Variants in ACO1 observed in about 807,000 individuals in gnomAD.
ACO1 encodes aconitase 1, also known as cytoplasmic aconitate hydratase.
ACO1 carries 78 observed loss-of-function variants against 105.1 expected under a neutral mutation model. That is an observed-to-expected ratio of 0.74 (90% CI 0.62 to 0.90). The LOEUF (loss-of-function observed/expected upper bound fraction) is 0.90, where lower values mean the gene tolerates loss of function less well. ACO1 is among the 40% of genes least tolerant of loss of function. The pLI, the probability that ACO1 is intolerant of heterozygous loss-of-function variation, is 0.00. For synonymous variants in ACO1, 364 were observed against 397.4 expected (o/e 0.92, Z 1.00); for missense variants, 965 against 1,111.1 (o/e 0.87, Z 1.87).
rs1411502876 is a variant in ACO1 at position 32,452,579 on chromosome 9, G to C, written c.*2468G>C. 1 of 152,136 alleles carries C rather than the reference G, an allele frequency of 6.6e-6. No individual in the cohort carries two copies. Among genetic ancestry groups the C allele is most frequent in the Non-Finnish European group, 1.5e-5 (1 of 68,038 alleles). The allele number at this position is 152,136 out of a possible 1,614,324, so 9.4% of individuals were successfully genotyped here. On this transcript the variant is annotated 3_prime_UTR_variant, in exon 21 of 21. Coordinates refer to ENST00000309951, the MANE Select transcript of ACO1 (RefSeq NM_002197.3). ...TATTTAGTTACAGCAGCCCAACCAAGACTGTGGTTATGAGGAAACAAACAC... is the reference window on the plus strand; with the variant it reads ...TATTTAGTTACAGCAGCCCAACCAACACTGTGGTTATGAGGAAACAAACAC...
chr9:32,434,836 A>G (rs1822320393), intron 17 of ACO1, 135 bp downstream of exon 17: 7 of 1,011,418 alleles, frequency 6.9e-6, no homozygotes, highest in Non-Finnish European at 9.9e-6. Context: ...CCCTGGGGTA[A>G]AAACCAATTG....
chr9:32,408,682 C>G (rs371431165), intron 4 of ACO1, 31 bp downstream of exon 4: 2 of 1,604,648 alleles, frequency 1.2e-6, no homozygotes, highest in African/African-American at 2.7e-5. Context: ...CCTGAGTGTT[C>G]TGCTTTGTGC....
chr9:32,427,036 C>A (rs1822114997), intron 11 of ACO1, among the ~76,000 whole-genome samples: 1 of 152,034 alleles, frequency 6.6e-6, no homozygotes, highest in Admixed American at 6.5e-5. Flanking sequence ...TTACATTTAT[C>A]TCTTTAAAAA....
chr9:32,412,724 T>G (rs920821188), intron 4 of ACO1, among the ~76,000 whole-genome samples: 3 of 152,332 alleles, frequency 2.0e-5, no homozygotes, highest in South Asian at 2.1e-4. Context: ...CAGTTTAATG[T>G]TTTGGTTTCA....
chr9:32,432,281 A>G (rs780422701), intron 15 of ACO1, among the ~76,000 whole-genome samples: 1 of 152,238 alleles, frequency 6.6e-6, no homozygotes, highest in Non-Finnish European at 1.5e-5. Flanking sequence ...GGAAGTGCCA[A>G]ACTACTGAAA....
Position 32,393,517 on chromosome 9 carries a change from G to A in ACO1, c.-23+8782G>A, listed in dbSNP as rs559910780. 6.6e-5 allele frequency among the ~76,000 whole-genome samples: 10 copies of A among 152,136 alleles called. No homozygotes were observed. The South Asian group carries it at 2.1e-3, about 32-fold the overall frequency. On this transcript the variant is annotated intron_variant, in intron 1 of 20. Transcript: ENST00000309951. Reference sequence around the variant, plus strand: ...ATTTTAATTTTGCCTCAGTCTTATGGTCCTGTGATCTTGCCCTGCCTCCAT... The same window carrying A: ...ATTTTAATTTTGCCTCAGTCTTATGATCCTGTGATCTTGCCCTGCCTCCAT...
chr9:32,440,333 T>G, intron 18 of ACO1, 132 bp from the exon 19 acceptor site: 3 of 896,166 alleles, frequency 3.3e-6, no homozygotes, highest in Non-Finnish European at 5.1e-6. Context: ...AATTGGGAAT[T>G]TGTAGACAAG....
At chr9:32,385,037 C>T (rs1479412819) in intron 1 of ACO1, among the ~76,000 whole-genome samples, 1 of 152,220 alleles carries the variant, frequency 6.6e-6, no homozygotes, top group Non-Finnish European at 1.5e-5. Flanking sequence ...CTAGGGTGTG[C>T]GGCCAGTCCT....
chr9:32,434,668 A>T lies in ACO1; in HGVS notation c.2066A>T (p.Asn689Ile), dbSNP rs745374398. 1.9e-6 allele frequency: 3 copies of T among 1,614,156 alleles called. No homozygotes were observed. The highest frequency in any genetic ancestry group is 2.5e-6 in the Non-Finnish European group (3 of 1,179,976). Residue 689 changes from asparagine (N) to isoleucine (I), a missense_variant, in exon 17 of 21, where the codon AAC (asparagine) becomes ATC (isoleucine). Coordinates refer to ENST00000309951, the MANE Select transcript of ACO1 (RefSeq NM_002197.3). Reference sequence around the variant, plus strand: ...TCCCCAGCTGGAAATATTGCAAGAAACAGTCCTGCTGCTCGCTACTTAACT... The same window carrying T: ...TCCCCAGCTGGAAATATTGCAAGAATCAGTCCTGCTGCTCGCTACTTAACT... ...HISPAGNIAR[N>I]SPAARYLTNR... is the part of the protein sequence containing the mutation.
At position 32,384,728 on chromosome 9, in the gene ACO1, A is replaced by T. The variant is rs1451621256; in HGVS notation, c.-30A>T. 1.5e-5 allele frequency: 6 copies of T among 409,984 alleles called. No homozygotes were observed. The East Asian group carries it at 7.2e-4, about 49-fold the overall frequency. 25.4% of individuals were successfully genotyped at this position (409,984 alleles called of 1,614,324 possible). ...GCCGGTCGCGGGAGCCCCGCCGTGCAGTCGGAGGTGAGTACCGACGCGGCC... is the reference window on the plus strand; with the variant it reads ...GCCGGTCGCGGGAGCCCCGCCGTGCTGTCGGAGGTGAGTACCGACGCGGCC... On this transcript the variant is annotated 5_prime_UTR_variant, in exon 1 of 21. Transcript: ENST00000309951.
intron 4 of ACO1, among the ~76,000 whole-genome samples, chr9:32,412,025 C>T (rs1409624678): frequency 6.6e-6 from 1 of 152,126 alleles, no homozygotes; most frequent in Non-Finnish European, 1.5e-5. Flanking sequence ...AGGCATGCAC[C>T]ATTACATCTA....
At chr9:32,441,026 G>T (rs921340185) in intron 19 of ACO1, among the ~76,000 whole-genome samples, 1 of 152,242 alleles carries the variant, frequency 6.6e-6, no homozygotes, top group South Asian at 2.1e-4. Context: ...TTTCACAGAA[G>T]AGAAAAGGAG....
In ACO1 at chr9:32,434,168, C is replaced by T. The variant is rs577201545; in HGVS notation, c.1956+336C>T. ...ACCCATAAAAACCAGGGACATTGTC[C>T]CTGAAACTGATGATCTAGAAGTTGG... On this transcript the variant is annotated intron_variant, in intron 16 of 20. Coordinates refer to ENST00000309951, the MANE Select transcript of ACO1 (RefSeq NM_002197.3). Among the ~76,000 whole-genome samples, 5 of 152,202 alleles carry T rather than the reference C, an allele frequency of 3.3e-5. No individual in the cohort carries two copies. In the East Asian group the frequency reaches 9.7e-4, roughly 29 times the overall value.
chr9:32,450,333 T>G lies in ACO1; in HGVS notation c.*222T>G. The G allele has an allele frequency of 1.6e-6, 1 of 623,124 alleles. No individual in the cohort carries two copies. The highest frequency in any genetic ancestry group is 3.2e-5 in the East Asian group (1 of 31,436). The allele number at this position is 623,124 out of a possible 1,614,324, so 38.6% of individuals were successfully genotyped here. A position where few individuals can be genotyped will look rare whatever the true frequency, so the allele number is the denominator to read the frequency against. On this transcript the variant is annotated 3_prime_UTR_variant, in exon 21 of 21. Transcript: ENST00000309951. ...TTCTCTTTTTCCAGAATTTGGAAGC[T>G]AGAATGGTGGGAATGTCAGTAGTGC...
chr9:32,450,471 T>G lies in ACO1; in HGVS notation c.*360T>G. 5.7e-6 allele frequency: 2 copies of G among 350,952 alleles called. No homozygotes were observed. Among genetic ancestry groups the G allele is most frequent in the East Asian group, 1.5e-4 (2 of 13,392 alleles). The allele number at this position is 350,952 out of a possible 1,614,324, so 21.7% of individuals were successfully genotyped here. On this transcript the variant is annotated 3_prime_UTR_variant, in exon 21 of 21. Transcript: ENST00000309951. ...CAAGCAAACCTTCTCAGGAGGTGTCTCCTACCCTCTTATTGTTCCTCTTAC... is the reference window on the plus strand; with the variant it reads ...CAAGCAAACCTTCTCAGGAGGTGTCGCCTACCCTCTTATTGTTCCTCTTAC...
At position 32,433,971 on chromosome 9, in the gene ACO1, G is replaced by C. The variant is rs1478493565; in HGVS notation, c.1956+139G>C. On this transcript the variant is annotated intron_variant, in intron 16 of 20. Transcript: ENST00000309951. ...GCAAACCCAAGCAGATACTGCTGGG[G>C]AAAGTTTTGGGAGGCTGGGATATTT... The C allele has an allele frequency of 2.9e-5, 20 of 689,884 alleles. No homozygotes were observed. The East Asian group carries it at 5.3e-4, about 18-fold the overall frequency. 42.7% of individuals were successfully genotyped at this position (689,884 alleles called of 1,614,324 possible). A position where few individuals can be genotyped will look rare whatever the true frequency, so the allele number is the denominator to read the frequency against.
chr9:32,420,172 A>G (rs1821941766), intron 7 of ACO1, among the ~76,000 whole-genome samples: 1 of 104,184 alleles, frequency 9.6e-6, no homozygotes, highest in African/African-American at 2.7e-5. Flanking sequence ...TAAGTCAGTC[A>G]CTGTGGCCTC....
At chr9:32,411,927 G>T (rs112366322) in intron 4 of ACO1, among the ~76,000 whole-genome samples, 1 of 151,814 alleles carries the variant, frequency 6.6e-6, no homozygotes, top group South Asian at 2.1e-4. Flanking sequence ...TCCCTAGACC[G>T]GGGTGGCGTG....
At chr9:32,390,056 C>T (rs572251915) in intron 1 of ACO1, among the ~76,000 whole-genome samples, 1 of 152,354 alleles carries the variant, frequency 6.6e-6, no homozygotes, top group East Asian at 1.9e-4. Flanking sequence ...CCTCAGCCTC[C>T]TGAAGTGCTG....
Sources: allele counts gnomAD v4.1 joint callset (sites outside exome capture counted in the v4.1 genomes callset), GRCh38; gene constraint gnomAD v4.1.1; transcripts MANE v1.5; gene names NCBI Gene and HGNC (gene_info 2026-07-23, HGNC 2026-07-21).